Variants in ERBB4 observed in about 807,000 individuals in gnomAD.
The protein encoded by ERBB4 is erb-b2 receptor tyrosine kinase 4, also known as receptor tyrosine-protein kinase erbB-4.
Under a neutral mutation model 158.0 loss-of-function variants are expected in ERBB4, and 42 were observed. The observed-to-expected ratio is 0.27, with a 90% CI of 0.21 to 0.34. ERBB4 has a LOEUF of 0.34. Among genes scored for constraint, ERBB4 ranks in the 10% least tolerant of loss-of-function variants. The probability of loss-of-function intolerance (pLI) is 1.00; values close to 1 mark genes in which losing one functional copy is unlikely to be tolerated. For missense variants in ERBB4, 1,333 were observed against 1,624.1 expected, an observed-to-expected ratio of 0.82 and a Z score of 3.08; for synonymous variants, 583 against 558.7, an observed-to-expected ratio of 1.04 and a Z score of -0.61.
chr2:211,713,929 C>T (rs987786442), intron 7 of ERBB4, among the ~76,000 whole-genome samples: 1 of 152,184 alleles, frequency 6.6e-6, no homozygotes, highest in East Asian at 1.9e-4. Flanking sequence ...TAGGAAACTA[C>T]GTGACATTTA....
At chr2:211,464,206 T>C (rs1047466199) in intron 20 of ERBB4, among the ~76,000 whole-genome samples, 1 of 152,170 alleles carries the variant, frequency 6.6e-6, no homozygotes, top group Non-Finnish European at 1.5e-5. Flanking sequence ...AATAGCAGAA[T>C]TTGGTTTTTG....
chr2:211,387,941 T>C lies in ERBB4; in HGVS notation c.3183+4A>G. 6.2e-7 allele frequency: 1 copy of C among 1,603,564 alleles called. No homozygotes were observed. Among genetic ancestry groups the C allele is most frequent in the Non-Finnish European group, 8.5e-7 (1 of 1,170,474 alleles). ...AAGATGAAGGTTGATTGTGAAATAC[T>C]TACTCCTGACATGGGGGTGTAGGCA... On this transcript the variant is annotated splice_donor_region_variant and intron_variant, in intron 26 of 27. Transcript: ENST00000342788.
chr2:211,716,736 A>C (rs573024225), intron 7 of ERBB4, among the ~76,000 whole-genome samples: 1 of 152,218 alleles, frequency 6.6e-6, no homozygotes, highest in South Asian at 2.1e-4. Flanking sequence ...AAAAAGAAGA[A>C]GCTTAATGTC....
chr2:211,993,380 C>T (rs1291283689), intron 2 of ERBB4, among the ~76,000 whole-genome samples: 2 of 152,132 alleles, frequency 1.3e-5, no homozygotes, highest in Non-Finnish European at 2.9e-5. Context: ...TCTGTGGGTA[C>T]CTTGCTCTTG....
rs577288264 is a variant in ERBB4, at chr2:211,487,044, C to T, written c.2488-55944G>A. Among the ~76,000 whole-genome samples the T allele has an allele frequency of 1.7e-4, 25 of 151,266 alleles. 1 individual carries two copies. In the East Asian group the frequency reaches 2.1e-3, roughly 13 times the overall value. ...TAAGTTTTAGGGTACATGTGCACAA[C>T]GTGCAGGTTTGTTACATATGTATAC... is the stretch of plus-strand genomic sequence containing the variant. On this transcript the variant is annotated intron_variant, in intron 20 of 27. Coordinates refer to ENST00000342788, the MANE Select transcript of ERBB4 (RefSeq NM_005235.3).
intron 4 of ERBB4, among the ~76,000 whole-genome samples, chr2:211,772,994 G>C (rs1030733800): frequency 7.3e-6 from 1 of 136,362 alleles, no homozygotes; most frequent in African/African-American, 2.8e-5. Context: ...CTGTTGCCCA[G>C]GTTGCTCTCA....
At chr2:212,477,133 C>G (rs1261236788) in intron 1 of ERBB4, among the ~76,000 whole-genome samples, 2 of 151,998 alleles carry the variant, frequency 1.3e-5, no homozygotes, top group Admixed American at 1.3e-4. Context: ...TAAATCTGAA[C>G]AATAATAACT....
intron 5 of ERBB4, among the ~76,000 whole-genome samples, chr2:211,726,898 C>T (rs1171848761): frequency 6.6e-6 from 1 of 152,164 alleles, no homozygotes; most frequent in Non-Finnish European, 1.5e-5. Context: ...CCAGGAATCA[C>T]ATTACTCTGT....
chr2:211,957,546 C>T lies in ERBB4; in HGVS notation c.235-9930G>A, dbSNP rs839510. 2.2e-3 allele frequency among the ~76,000 whole-genome samples: 342 copies of T among 152,208 alleles called. 5 individuals carry two copies. Among genetic ancestry groups the T allele is most frequent in the African/African-American group, 8.0e-3 (333 of 41,552 alleles). On this transcript the variant is annotated intron_variant, in intron 2 of 27. Transcript: ENST00000342788. ...GCTTTTAGCAGTATTATGTTGGGTA[C>T]ATTATTTAACCTTTCTGTGCCTCAG...
chr2:211,572,840 C>T (rs2067769873), intron 19 of ERBB4, among the ~76,000 whole-genome samples: 1 of 152,128 alleles, frequency 6.6e-6, no homozygotes, highest in Non-Finnish European at 1.5e-5. Flanking sequence ...CAACAGTTAC[C>T]TGTAAAATCA....
intron 1 of ERBB4, among the ~76,000 whole-genome samples, chr2:212,220,217 A>T (rs1465146625): frequency 1.3e-5 from 2 of 151,444 alleles, no homozygotes; most frequent in Non-Finnish European, 3.0e-5. Context: ...TTATAACTGG[A>T]TCAATATTTT....
At chr2:212,249,258 A>G (rs2084430102) in intron 1 of ERBB4, among the ~76,000 whole-genome samples, 1 of 152,004 alleles carries the variant, frequency 6.6e-6, no homozygotes, top group Admixed American at 6.6e-5. Flanking sequence ...ACATATGACT[A>G]AGGAAATTGT....
At position 211,713,640 on chromosome 2, in the gene ERBB4, C is replaced by T. The variant is rs2106088006; in HGVS notation, c.892G>A (p.Val298Met). 6.5e-7 allele frequency: 1 copy of T among 1,540,426 alleles called. No individual in the cohort carries two copies. The highest frequency in any genetic ancestry group is 8.9e-7 in the Non-Finnish European group (1 of 1,121,826). Residue 298 changes from valine (V) to methionine (M), a missense_variant, in exon 8 of 28, where the codon GTG becomes ATG. Val to Met is a conservative substitution (Grantham distance 21, BLOSUM62 1). Around this residue, in one of 5 missense-constraint regions of ERBB4, gnomAD observed 438 missense variants for 586.9 expected, o/e 0.75. Transcript: ENST00000342788. ...CGCACACAAGAACTGGAATCTACCA[C>T]AAAGTTATCTGATTAAAAAAAAAAA... The part of the protein sequence containing the change: ...FCVKKCPHNF[V>M]VDSSSCVRAC...
chr2:211,561,162 C>A (rs17335001), intron 20 of ERBB4, among the ~76,000 whole-genome samples: 24,019 of 152,142 alleles, frequency 0.16, 2,068 homozygotes, highest in Middle Eastern at 0.23. Context: ...CACTAGCAGA[C>A]TGCATGATAA....
intron 1 of ERBB4, among the ~76,000 whole-genome samples, chr2:212,507,256 A>G (rs1269816551): frequency 1.3e-5 from 2 of 152,166 alleles, no homozygotes; most frequent in Admixed American, 1.3e-4. Flanking sequence ...CTCATTGACA[A>G]TGAACCTACT....
chr2:211,545,446 C>T (rs984424787), intron 20 of ERBB4, among the ~76,000 whole-genome samples: 5 of 151,958 alleles, frequency 3.3e-5, no homozygotes, highest in South Asian at 2.1e-4. Flanking sequence ...TTGATGAAAG[C>T]TTTGTAAATT....
At chr2:212,226,173 G>A (rs2083461711) in intron 1 of ERBB4, among the ~76,000 whole-genome samples, 1 of 152,080 alleles carries the variant, frequency 6.6e-6, no homozygotes, top group African/African-American at 2.4e-5. Context: ...ATGGCCTCTA[G>A]GTTTGGAGAG....
At chr2:212,342,650 G>A (rs1029340770) in intron 1 of ERBB4, among the ~76,000 whole-genome samples, 34 of 152,090 alleles carry the variant, frequency 2.2e-4, no homozygotes, top group African/African-American at 8.0e-4. Context: ...AATTATAAAG[G>A]GGAAAGTAAT....
Position 211,382,938 on chromosome 2 carries a change from A to G in ERBB4, c.*677T>C, listed in dbSNP as rs1216479181. 1.7e-5 allele frequency: 4 copies of G among 232,592 alleles called. No homozygotes were observed. Among genetic ancestry groups the G allele is most frequent in the Non-Finnish European group, 3.4e-5 (4 of 117,782 alleles). The allele number at this position is 232,592 out of a possible 1,614,324, so 14.4% of individuals were successfully genotyped here. A position where few individuals can be genotyped will look rare whatever the true frequency, so the allele number is the denominator to read the frequency against. On this transcript the variant is annotated 3_prime_UTR_variant, in exon 28 of 28. Coordinates refer to ENST00000342788, the MANE Select transcript of ERBB4 (RefSeq NM_005235.3). ...AGCCAAAAATAGGGGAGCAAATATA[A>G]AGGAATCGGTCAGAGCAAAACAAAA...
Sources: allele counts gnomAD v4.1 joint callset (sites outside exome capture counted in the v4.1 genomes callset), GRCh38; gene constraint gnomAD v4.1.1; regional missense constraint gnomAD v4.1.1; transcripts MANE v1.5; gene names NCBI Gene and HGNC (gene_info 2026-07-23, HGNC 2026-07-21).